Variants in DIP2C observed in about 807,000 individuals in gnomAD.
The protein encoded by DIP2C is DIP2 acetate--CoA ligase C (putative).
Under a neutral mutation model 192.4 loss-of-function variants are expected in DIP2C, and 33 were observed. The ratio of observed to expected loss-of-function variants is 0.17; its 90% CI spans 0.13 to 0.23. The LOEUF (loss-of-function observed/expected upper bound fraction) is 0.23. Ranked by LOEUF, DIP2C falls within the 10% of genes least tolerant of loss-of-function variation. The pLI, the probability that DIP2C is intolerant of heterozygous loss-of-function variation, is 1.00. For missense variants in DIP2C, 1,537 were observed against 2,110.1 expected, an observed-to-expected ratio of 0.73 and a Z score of 5.32; for synonymous variants, 979 against 864.1, an observed-to-expected ratio of 1.13 and a Z score of -2.33.
chr10:650,819 G>A (rs1445028149), intron 1 of DIP2C: 9 of 701,514 alleles, frequency 1.3e-5, no homozygotes, highest in Non-Finnish European at 2.4e-5. Flanking sequence ...GAACCCAGAT[G>A]TCCTCAGTTC....
intron 5 of DIP2C, among the ~76,000 whole-genome samples, chr10:422,472 C>A (rs146198640): frequency 1.3e-5 from 2 of 152,164 alleles, no homozygotes; most frequent in African/African-American, 4.8e-5. Context: ...TTAAAGCCCT[C>A]GTTTCCTTAA....
intron 1 of DIP2C, among the ~76,000 whole-genome samples, chr10:487,294 A>C (rs1844082322): frequency 6.6e-6 from 1 of 152,230 alleles, no homozygotes; most frequent in Non-Finnish European, 1.5e-5. Flanking sequence ...AGACTGATCA[A>C]ACCATAATTC....
chr10:581,096 G>A (rs906833779), intron 1 of DIP2C, among the ~76,000 whole-genome samples: 1 of 152,170 alleles, frequency 6.6e-6, no homozygotes, highest in Non-Finnish European at 1.5e-5. Flanking sequence ...AGCTTTTCTA[G>A]GAGCGATGTC....
rs1855751064 is a variant in DIP2C, at chr10:649,979, A to G, written c.85+39515T>C. On this transcript the variant is annotated intron_variant, in intron 1 of 36. Transcript: ENST00000280886. ...TCAAAACGGAAAAGGAAATGTAAGCAGTGTTTGCCGTCCAAAGTTCACATC... is the reference window on the plus strand; with the variant it reads ...TCAAAACGGAAAAGGAAATGTAAGCGGTGTTTGCCGTCCAAAGTTCACATC... 4.8e-6 allele frequency: 3 copies of G among 624,194 alleles called. No homozygotes were observed. In the South Asian group the frequency reaches 5.6e-5, roughly 12 times the overall value. The allele number at this position is 624,194 out of a possible 1,614,324, so 38.7% of individuals were successfully genotyped here. A position where few individuals can be genotyped will look rare whatever the true frequency, so the allele number is the denominator to read the frequency against.
intron 1 of DIP2C, among the ~76,000 whole-genome samples, chr10:532,260 GC>G (rs1847413218): frequency 6.6e-6 from 1 of 152,232 alleles, no homozygotes; most frequent in African/African-American, 2.4e-5. Context: ...GTCCCGGAAA[GC>G]CCTGCCCCCA....
chr10:524,897 C>A (rs1846957053), intron 1 of DIP2C, among the ~76,000 whole-genome samples: 1 of 147,736 alleles, frequency 6.8e-6, no homozygotes. Flanking sequence ...CAGGAAGATG[C>A]CCGTGCAGAT....
intron 3 of DIP2C, among the ~76,000 whole-genome samples, chr10:459,841 T>C (rs919031191): frequency 2.1e-5 from 3 of 144,494 alleles, no homozygotes; most frequent in Admixed American, 1.4e-4. Flanking sequence ...GTGCTGCACG[T>C]AGGCTCTAGG....
chr10:354,986 G>C (rs1015381770), intron 24 of DIP2C, among the ~76,000 whole-genome samples: 2 of 152,012 alleles, frequency 1.3e-5, no homozygotes, highest in South Asian at 2.1e-4. Context: ...GTTAGCAAAG[G>C]GGGTATCATC....
chr10:641,770 G>A (rs968504880), intron 1 of DIP2C: 1 of 154,236 alleles, frequency 6.5e-6, no homozygotes, highest in Non-Finnish European at 1.5e-5. Flanking sequence ...TGTTGGGGCA[G>A]GGGTACAGAA....
chr10:533,972 G>A lies in DIP2C; in HGVS notation c.86-47442C>T, dbSNP rs576717681. On this transcript the variant is annotated intron_variant, in intron 1 of 36. Coordinates refer to ENST00000280886, the MANE Select transcript of DIP2C (RefSeq NM_014974.3). ...AATTATAAAATGCCACTTTAGTAAA[G>A]GCTGAAGGAATTAGGGTTTGACATG... Among the ~76,000 whole-genome samples the A allele has an allele frequency of 1.1e-4, 17 of 150,890 alleles. 1 individual carries two copies. The South Asian group carries it at 3.4e-3, about 30-fold the overall frequency.
At chr10:411,530 G>A (rs972479247) in intron 8 of DIP2C, among the ~76,000 whole-genome samples, 2 of 152,142 alleles carry the variant, frequency 1.3e-5, no homozygotes, top group Non-Finnish European at 2.9e-5. Context: ...CTAAATTTGG[G>A]GGTTGAGGGG....
At chr10:574,479 G>A (rs527425793) in intron 1 of DIP2C, among the ~76,000 whole-genome samples, 6 of 152,188 alleles carry the variant, frequency 3.9e-5, no homozygotes, top group Admixed American at 1.3e-4. Context: ...GTGTGACAAC[G>A]GAAGGACTCT....
At chr10:533,536 G>A (rs911713041) in intron 1 of DIP2C, among the ~76,000 whole-genome samples, 2 of 151,978 alleles carry the variant, frequency 1.3e-5, no homozygotes, top group African/African-American at 4.8e-5. Flanking sequence ...AGTGTGTTCA[G>A]GAGTGTGAAG....
chr10:404,895 CTG>C (rs1186038208), intron 9 of DIP2C, among the ~76,000 whole-genome samples: 2 of 152,214 alleles, frequency 1.3e-5, no homozygotes, highest in African/African-American at 4.8e-5. Context: ...ATGTGACGGA[CTG>C]AGAGCTGATG....
chr10:673,509 CAT>C (rs1564331746), intron 1 of DIP2C, among the ~76,000 whole-genome samples: 1 of 152,170 alleles, frequency 6.6e-6, no homozygotes, highest in African/African-American at 2.4e-5. Flanking sequence ...AGGAGCAAAT[CAT>C]AACAATCAAA....
At chr10:477,721 G>A (rs1483709664) in intron 2 of DIP2C, among the ~76,000 whole-genome samples, 1 of 134,110 alleles carries the variant, frequency 7.5e-6, no homozygotes, top group Non-Finnish European at 1.6e-5. Flanking sequence ...GGAGAGAGAA[G>A]AAAGAGAAGG....
intron 10 of DIP2C, among the ~76,000 whole-genome samples, chr10:394,671 G>A (rs28417260): frequency 6.7e-6 from 1 of 149,494 alleles, no homozygotes; most frequent in Non-Finnish European, 1.5e-5. Context: ...AGCCTTCAGG[G>A]AGGAGGGAAG....
chr10:522,478 G>A (rs950240836), intron 1 of DIP2C, among the ~76,000 whole-genome samples: 6 of 152,220 alleles, frequency 3.9e-5, no homozygotes, highest in African/African-American at 1.4e-4. Flanking sequence ...TAGTTCCATG[G>A]GAAACCGCCT....
intron 1 of DIP2C, among the ~76,000 whole-genome samples, chr10:583,716 G>T (rs1296768532): frequency 6.6e-6 from 1 of 152,154 alleles, no homozygotes. Flanking sequence ...CATCCTCCTT[G>T]TAATAAAATA....
Sources: gnomAD v4.1 joint callset for allele counts (sites outside exome capture counted in the v4.1 genomes callset) on GRCh38, gnomAD v4.1.1 for gene constraint, MANE v1.5 for transcripts, NCBI Gene and HGNC (gene_info 2026-07-23, HGNC 2026-07-21) for gene names.